The following AMBRA1 variants were observed in gnomAD, a reference collection of about 807,000 sequenced individuals.
AMBRA1 encodes the protein autophagy and beclin 1 regulator 1.
Under a neutral mutation model 125.4 loss-of-function variants are expected in AMBRA1, and 47 were observed. The observed-to-expected ratio is 0.37, with a 90% CI of 0.30 to 0.48. The LOEUF (loss-of-function observed/expected upper bound fraction) is 0.48. AMBRA1 is among the 20% of genes least tolerant of loss of function. The pLI, the probability that AMBRA1 is intolerant of heterozygous loss-of-function variation, is 0.99. For synonymous variants in AMBRA1, 626 were observed against 655.5 expected (o/e 0.95, Z 0.69); for missense variants, 1,331 against 1,693.4 (o/e 0.79, Z 3.76).
intron 8 of AMBRA1, among the ~76,000 whole-genome samples, chr11:46,512,356 A>G (rs942154764): frequency 6.6e-6 from 1 of 152,212 alleles, no homozygotes; most frequent in Non-Finnish European, 1.5e-5. Flanking sequence ...TAATCTATAC[A>G]TAATTTCCCT....
intron 11 of AMBRA1, among the ~76,000 whole-genome samples, chr11:46,490,360 G>C (rs193181587): frequency 6.6e-6 from 1 of 152,152 alleles, no homozygotes; most frequent in Non-Finnish European, 1.5e-5. Flanking sequence ...CAAGATAAGG[G>C]AGAAGAGATG....
intron 11 of AMBRA1, among the ~76,000 whole-genome samples, chr11:46,488,921 T>G (rs917643918): frequency 3.3e-5 from 5 of 152,164 alleles, no homozygotes; most frequent in African/African-American, 1.2e-4. Context: ...TTTTTTTGTG[T>G]TTTTTGAGAC....
intron 1 of AMBRA1, among the ~76,000 whole-genome samples, chr11:46,591,662 C>CT (rs2044598675): frequency 6.6e-6 from 1 of 151,978 alleles, no homozygotes; most frequent in African/African-American, 2.4e-5. Flanking sequence ...TAAGACCAGC[C>CT]TGGCCGAGAT....
chr11:46,482,604 T>G (rs1284054175), intron 11 of AMBRA1, among the ~76,000 whole-genome samples: 4 of 152,184 alleles, frequency 2.6e-5, no homozygotes, highest in Admixed American at 1.3e-4. Flanking sequence ...TGGGGACTTC[T>G]ACCCTTTACC....
chr11:46,522,742 C>T (rs1192033035), intron 7 of AMBRA1, among the ~76,000 whole-genome samples: 1 of 152,134 alleles, frequency 6.6e-6, no homozygotes, highest in Non-Finnish European at 1.5e-5. Flanking sequence ...ACTAAGTCTA[C>T]GAAGAATATC....
chr11:46,519,942 C>T (rs988590012), intron 7 of AMBRA1, among the ~76,000 whole-genome samples: 3 of 152,014 alleles, frequency 2.0e-5, no homozygotes, highest in African/African-American at 7.2e-5. Flanking sequence ...GAGTTCAAGA[C>T]CTGCCTGACC....
At chr11:46,527,178 C>T (rs935346977) in intron 7 of AMBRA1, among the ~76,000 whole-genome samples, 34 of 152,000 alleles carry the variant, frequency 2.2e-4, no homozygotes, top group African/African-American at 8.2e-4. Context: ...TGTGCTACCT[C>T]CCTTATCAAA....
chr11:46,443,632 A>G (rs1472813919), intron 11 of AMBRA1, 34 bp from the exon 12 acceptor site: 2 of 1,555,388 alleles, frequency 1.3e-6, no homozygotes, highest in East Asian at 4.5e-5. Flanking sequence ...AGCACATTAT[A>G]TTATTTATCC....
chr11:46,537,463 T>G (rs946218820), intron 7 of AMBRA1, among the ~76,000 whole-genome samples: 1 of 152,196 alleles, frequency 6.6e-6, no homozygotes, highest in South Asian at 2.1e-4. Context: ...TAACTTGCCA[T>G]TGAAACCATT....
At chr11:46,569,228 A>G (rs1025531222) in intron 1 of AMBRA1, among the ~76,000 whole-genome samples, 1 of 147,968 alleles carries the variant, frequency 6.8e-6, no homozygotes, top group Non-Finnish European at 1.5e-5. Context: ...CCTGGGCGAC[A>G]AGAGGGAATC....
chr11:46,421,828 A>T (rs1946862087), intron 14 of AMBRA1, among the ~76,000 whole-genome samples: 1 of 152,188 alleles, frequency 6.6e-6, no homozygotes, highest in Non-Finnish European at 1.5e-5. Flanking sequence ...TAACCCAGAG[A>T]CTGGGTGAGT....
intron 1 of AMBRA1, among the ~76,000 whole-genome samples, chr11:46,571,044 G>T (rs934168097): frequency 6.6e-6 from 1 of 152,182 alleles, no homozygotes; most frequent in African/African-American, 2.4e-5. Flanking sequence ...GTACAAAGTG[G>T]CATGGTTTGA....
At chr11:46,477,373 A>G (rs1193220383) in intron 11 of AMBRA1, among the ~76,000 whole-genome samples, 1 of 149,134 alleles carries the variant, frequency 6.7e-6, no homozygotes, top group Non-Finnish European at 1.5e-5. Context: ...ACTGGAGTGC[A>G]GTGATGTGAT....
At position 46,522,664 on chromosome 11, in the gene AMBRA1, A is replaced by G. The variant is rs538763147; in HGVS notation, c.2073-9851T>C. ...CCCCCTGGAATTTATTGAATTCCAT[A>G]ATGTTGAATTCTTAGCTAATTTTAT... is the stretch of plus-strand genomic sequence containing the variant. On this transcript the variant is annotated intron_variant, in intron 7 of 17. Transcript: ENST00000683756. 1.6e-4 allele frequency among the ~76,000 whole-genome samples: 25 copies of G among 152,320 alleles called. No individual in the cohort carries two copies. In the South Asian group the frequency reaches 5.0e-3, roughly 30 times the overall value.
At chr11:46,575,405 TGA>T (rs2043921819) in intron 1 of AMBRA1, among the ~76,000 whole-genome samples, 3 of 148,868 alleles carry the variant, frequency 2.0e-5, no homozygotes, top group Admixed American at 6.8e-5. Flanking sequence ...TGTGGTGAGC[TGA>T]GAGAGCACCA....
At position 46,410,287 on chromosome 11, in the gene AMBRA1, G is replaced by C; in HGVS notation, c.3198C>G (p.Ser1066Arg). ...CTTCCCAAACATACCCAGGCCGCTC[G>C]CTGCTCCTGCTGTTGGAATGGACAG... Reference protein sequence around the residue: ...VFTVHSNSRSSERPGTSRATW... With the variant: ...VFTVHSNSRSRERPGTSRATW... Residue 1066 changes from serine to arginine, a missense_variant, in exon 16 of 18, where the codon AGC becomes AGG. By Grantham distance (110) the Ser-to-Arg change is moderately radical (BLOSUM62 -1). Transcript: ENST00000683756. 6.2e-7 allele frequency: 1 copy of C among 1,613,768 alleles called. No individual in the cohort carries two copies. The highest frequency in any genetic ancestry group is 8.5e-7 in the Non-Finnish European group (1 of 1,179,864).
At chr11:46,482,231 C>T (rs1950098368) in intron 11 of AMBRA1, among the ~76,000 whole-genome samples, 1 of 152,182 alleles carries the variant, frequency 6.6e-6, no homozygotes, top group Non-Finnish European at 1.5e-5. Context: ...CACTACCCCT[C>T]TGCAGTTCAG....
intron 7 of AMBRA1, among the ~76,000 whole-genome samples, chr11:46,517,945 A>G (rs1565242784): frequency 6.6e-6 from 1 of 152,090 alleles, no homozygotes; most frequent in South Asian, 2.1e-4. Flanking sequence ...GAGAGAGAGA[A>G]CAAAAGAAGA....
intron 14 of AMBRA1, among the ~76,000 whole-genome samples, chr11:46,426,165 C>T (rs751424718): frequency 5.3e-5 from 8 of 151,900 alleles, no homozygotes; most frequent in East Asian, 1.9e-4. Flanking sequence ...TCAATTAGGG[C>T]GTACTGAGTA....
Sources: allele counts gnomAD v4.1 joint callset (sites outside exome capture counted in the v4.1 genomes callset), GRCh38; gene constraint gnomAD v4.1.1; transcripts MANE v1.5; gene names NCBI Gene and HGNC (gene_info 2026-07-23, HGNC 2026-07-21).